Variants in NLRP2 observed in about 807,000 individuals in gnomAD.
NLRP2 encodes the protein NLR family pyrin domain containing 2.
Under a neutral mutation model 97.2 loss-of-function variants are expected in NLRP2, and 107 were observed. The ratio of observed to expected loss-of-function variants is 1.10; its 90% CI spans 0.94 to 1.29. NLRP2 has a LOEUF of 1.29. Among genes scored for constraint, NLRP2 ranks in the 50% most tolerant of loss-of-function variants. NLRP2 has a pLI of 0.00. For missense variants in NLRP2, 1,495 were observed against 1,330.3 expected (o/e 1.12, Z -1.93); for synonymous variants, 663 against 551.5 (o/e 1.20, Z -2.83).
In NLRP2 at chr19:54,982,339, C is replaced by T; in HGVS notation, c.641C>T (p.Pro214Leu). The T allele has an allele frequency of 6.2e-7, 1 of 1,614,060 alleles. No individual in the cohort carries two copies. The highest frequency in any genetic ancestry group is 1.7e-4 in the Middle Eastern group (1 of 6,060). Residue 214 changes from proline (P) to leucine (L), a missense_variant, in exon 6 of 13, where the codon CCT becomes CTT. Pro to Leu is a moderately conservative substitution (Grantham distance 98, BLOSUM62 -3). Coordinates refer to ENST00000448584, the MANE Select transcript of NLRP2 (RefSeq NM_017852.5). ...TCATACACGGTGGTGCTGTATGGTC[C>T]TGCAGGCCTTGGGAAAACCACGCTG... ...PFSYTVVLYG[P>L]AGLGKTTLAQ...
At chr19:54,991,103 G>T in intron 10 of NLRP2, 1 of 182,444 alleles carries the variant, frequency 5.5e-6, no homozygotes, top group Non-Finnish European at 1.1e-5. Context: ...AACATAAATT[G>T]CATGCAATTG....
At position 54,982,509 on chromosome 19, in the gene NLRP2, G is replaced by A. The variant is rs555603201; in HGVS notation, c.811G>A (p.Asp271Asn). Residue 271 changes from aspartate (D) to asparagine (N), a missense_variant, in exon 6 of 13, where the codon GAT becomes AAT. Coordinates refer to ENST00000448584, the MANE Select transcript of NLRP2 (RefSeq NM_017852.5). ...LVFRDWPELQ[D>N]DIPHILAQAR... The stretch of plus-strand genomic sequence containing the variant: ...CTTCAGGGACTGGCCTGAATTGCAG[G>A]ATGACATTCCACACATCCTAGCCCA... 183 of 1,614,204 alleles carry A rather than the reference G, an allele frequency of 1.1e-4. 4 individuals are homozygous for A. In the South Asian group the frequency reaches 1.9e-3, roughly 17 times the overall value.
intron 8 of NLRP2, 59 bp from the exon 9 acceptor site, chr19:54,989,963 A>G (rs2072348245): frequency 6.3e-7 from 1 of 1,582,188 alleles, no homozygotes; most frequent in South Asian, 1.1e-5. Context: ...CTGGGCAACA[A>G]GAGTGAGACT....
Position 54,990,577 on chromosome 19 carries a change from A to T in NLRP2, c.2613A>T (p.Thr871=). 6.2e-7 allele frequency: 1 copy of T among 1,614,180 alleles called. No homozygotes were observed. The stretch of plus-strand genomic sequence containing the variant: ...TGTTGGTTGTCAGCCGGGAGCTGAC[A>T]CACCTGTGCTTGGCCAAGAACCCCA... ...AAVLVVSREL[T]HLCLAKNPIG... Residue 871 remains threonine (T), a synonymous_variant, in exon 10 of 13, where the codon ACA becomes ACT. Coordinates refer to ENST00000448584, the MANE Select transcript of NLRP2 (RefSeq NM_017852.5).
chr19:54,988,707 A>G (rs1426915891), intron 8 of NLRP2, among the ~76,000 whole-genome samples: 3 of 152,076 alleles, frequency 2.0e-5, no homozygotes, highest in Non-Finnish European at 4.4e-5. Context: ...TTTAGGAGAA[A>G]TGGGGTTTCA....
At chr19:54,969,951 A>G in intron 1 of NLRP2, 48 bp from the exon 2 acceptor site, 1 of 1,572,476 alleles carries the variant, frequency 6.4e-7, no homozygotes, top group South Asian at 1.1e-5. Context: ...TTGAGACAGG[A>G]GTGCTAATCA....
chr19:54,987,674 G>A (rs902867222), intron 8 of NLRP2, among the ~76,000 whole-genome samples: 16 of 151,494 alleles, frequency 1.1e-4, no homozygotes, highest in East Asian at 3.9e-4. Context: ...CCTGAGAGGC[G>A]GAGGTTGCAG....
intron 2 of NLRP2, chr19:54,973,897 G>T (rs1367864847): frequency 1.5e-6 from 1 of 685,342 alleles, no homozygotes; most frequent in Non-Finnish European, 2.7e-6. Flanking sequence ...CACAAGGCAA[G>T]GATTCTTGGT....
At position 54,997,347 on chromosome 19, in the gene NLRP2, T is replaced by C. The variant is rs2072887290; in HGVS notation, c.2910T>C (p.Ser970=). The part of the protein sequence containing the change: ...WLWGCSIPPF[S]CEDLCSALSC... ...GGGGATGTTCCATCCCTCCGTTCAG[T>C]TGTGAAGACCTCTGCTCTGCCCTCA... The change falls in exon 12 of 13, where the codon AGT becomes AGC. Residue 970 remains serine, a synonymous_variant. Coordinates refer to ENST00000448584, the MANE Select transcript of NLRP2 (RefSeq NM_017852.5). 6.2e-7 allele frequency: 1 copy of C among 1,613,980 alleles called. No individual in the cohort carries two copies. Among genetic ancestry groups the C allele is most frequent in the Non-Finnish European group, 8.5e-7 (1 of 1,180,056 alleles).
At chr19:54,978,922 T>TA (rs1184868778) in intron 4 of NLRP2, among the ~76,000 whole-genome samples, 1 of 152,038 alleles carries the variant, frequency 6.6e-6, no homozygotes, top group Non-Finnish European at 1.5e-5. Flanking sequence ...ATAAACAACT[T>TA]ACAGAGAAAA....
At chr19:54,974,357 A>G in intron 2 of NLRP2, 143 bp from the exon 3 acceptor site, 2 of 755,614 alleles carry the variant, frequency 2.6e-6, no homozygotes, top group South Asian at 1.5e-5. Context: ...TCAAAAAAAA[A>G]AGATGCAAGC....
rs2072635904 is a variant in NLRP2, at chr19:54,993,724, G to T, written c.2709-545G>T. On this transcript the variant is annotated intron_variant, in intron 10 of 12. Coordinates refer to ENST00000448584, the MANE Select transcript of NLRP2 (RefSeq NM_017852.5). ...GCTGGGTGTGGTGGCACGCGCATGT[G>T]TGTACACACACACACCCCCCTGTAA... The T allele has an allele frequency of 1.5e-5, 3 of 198,522 alleles. No homozygotes were observed. The South Asian group carries it at 2.4e-4, about 16-fold the overall frequency. The allele number at this position is 198,522 out of a possible 1,614,324, so 12.3% of individuals were successfully genotyped here.
chr19:54,985,703 AAG>A (rs1491358173), intron 7 of NLRP2, among the ~76,000 whole-genome samples: 5 of 140,178 alleles, frequency 3.6e-5, no homozygotes, highest in Non-Finnish European at 7.4e-5. Flanking sequence ...AAAAAAGAAA[AAG>A]AAAAAAAGGG....
intron 10 of NLRP2, chr19:54,991,574 A>G (rs2072478617): frequency 6.6e-6 from 1 of 150,440 alleles, no homozygotes; most frequent in South Asian, 2.1e-4. Context: ...TATAGGACAA[A>G]TCTTTAGAAA....
rs763277003 is a variant in NLRP2 at position 54,983,361 on chromosome 19, T to G, written c.1663T>G (p.Tyr555Asp). 2 of 1,614,208 alleles carry G rather than the reference T, an allele frequency of 1.2e-6. No homozygotes were observed. The highest frequency in any genetic ancestry group is 1.1e-5 in the South Asian group (1 of 91,084). Residue 555 changes from tyrosine (Y) to aspartate (D), a missense_variant, in exon 6 of 13, where the codon TAC becomes GAC. Transcript: ENST00000448584. ...LRNPDLIQAG[Y>D]YSFGLANEKR... ...GAACCCCGACCTGATCCAAGCAGGC[T>G]ACTACTCCTTTGGCCTCGCTAACGA...
chr19:54,982,203 C>T lies in NLRP2; in HGVS notation c.505C>T (p.Arg169Trp), dbSNP rs527958520. Residue 169 changes from arginine (R) to tryptophan (W), a missense_variant, in exon 6 of 13, where the codon CGG becomes TGG. Arg to Trp is a moderately radical substitution (Grantham distance 101). Transcript: ENST00000448584. ...RCRYILKTKF[R>W]EMWKSWPGDS... ...CAGGTATATATTGAAGACGAAGTTC[C>T]GGGAGATGTGGAAGAGCTGGCCTGG... 28 of 1,614,034 alleles carry T rather than the reference C, an allele frequency of 1.7e-5. No homozygotes were observed. The highest frequency in any genetic ancestry group is 6.7e-5 in the East Asian group (3 of 44,886).
At chr19:54,981,924 A>G (rs551823293) in intron 5 of NLRP2, among the ~76,000 whole-genome samples, 1 of 152,230 alleles carries the variant, frequency 6.6e-6, no homozygotes, top group Non-Finnish European at 1.5e-5. Flanking sequence ...GATTACAGGC[A>G]TGCGCCACCA....
chr19:54,999,543 CA>C (rs2073065201), intron 12 of NLRP2, among the ~76,000 whole-genome samples: 1 of 152,074 alleles, frequency 6.6e-6, no homozygotes, highest in African/African-American at 2.4e-5. Flanking sequence ...AGCTATAGCC[CA>C]GCTGTACTCA....
At chr19:54,994,213 A>G (rs2072666506) in intron 10 of NLRP2, 56 bp from the exon 11 acceptor site, 1 of 1,585,334 alleles carries the variant, frequency 6.3e-7, no homozygotes, top group Admixed American at 1.7e-5. Context: ...AAGGTGCATC[A>G]CAGCAGTGAG....
Sources: allele counts gnomAD v4.1 joint callset (sites outside exome capture counted in the v4.1 genomes callset), GRCh38; gene constraint gnomAD v4.1.1; transcripts MANE v1.5; gene names NCBI Gene and HGNC (gene_info 2026-07-23, HGNC 2026-07-21).